C11orf87: variants seen among roughly 807,000 people sequenced by gnomAD.
C11orf87 encodes the protein uncharacterized protein C11orf87.
In C11orf87, 3 loss-of-function variants were observed where a neutral mutation model predicts 9.2. The observed-to-expected ratio is 0.33, with a 90% CI of 0.15 to 0.84. C11orf87 has a LOEUF of 0.84. Ranked by LOEUF, C11orf87 falls within the 40% of genes least tolerant of loss-of-function variation. The pLI is 0.55. For synonymous variants in C11orf87, 124 were observed against 124.6 expected (o/e 1.00, Z 0.03); for missense variants, 256 against 270.7 (o/e 0.95, Z 0.38).
rs1304250316 is a variant in C11orf87, at chr11:109,426,005, A to C, written c.*1778A>C. On this transcript the variant is annotated 3_prime_UTR_variant, in exon 2 of 2. Coordinates refer to ENST00000327419, the MANE Select transcript of C11orf87 (RefSeq NM_207645.4). ...GAAAAAAAGAAAGTGAGAAAATAAG[A>C]TAAATATTTTATTATTTTCTAATGC... 1 of 152,228 alleles carries C rather than the reference A, an allele frequency of 6.6e-6. No homozygotes were observed. 9.4% of individuals were successfully genotyped at this position (152,228 alleles called of 1,614,324 possible).
Position 109,423,521 on chromosome 11 carries a change from C to A in C11orf87, c.-113C>A. On this transcript the variant is annotated 5_prime_UTR_variant, in exon 2 of 2. Coordinates refer to ENST00000327419, the MANE Select transcript of C11orf87 (RefSeq NM_207645.4). This position sits in a 1 kb window ranked among gnomAD's most constrained non-coding sequence, Gnocchi z 5.3. The stretch of plus-strand genomic sequence containing the variant: ...CTTGGCTCGCTCGCACACCCCCTCC[C>A]GCTACAGGGAGCAGTTTTGGGTGGC... The A allele has an allele frequency of 8.9e-7, 1 of 1,119,468 alleles. No individual in the cohort carries two copies. The highest frequency in any genetic ancestry group is 1.6e-5 in the South Asian group (1 of 63,290). 69.3% of individuals were successfully genotyped at this position (1,119,468 alleles called of 1,614,324 possible).
At position 109,423,929 on chromosome 11, in the gene C11orf87, A is replaced by C. The variant is rs866978197; in HGVS notation, c.296A>C (p.Glu99Ala). The change falls in exon 2 of 2, where the codon GAG becomes GCG. Residue 99 changes from glutamate (E) to alanine (A), a missense_variant. Coordinates refer to ENST00000327419, the MANE Select transcript of C11orf87 (RefSeq NM_207645.4). The surrounding 1 kb of genome is among the most constrained non-coding windows in gnomAD (Gnocchi z 5.3). ...MKKRKMQRAQ[E>A]EYERDHCSGS... ...AAGCGGAAGATGCAGAGGGCTCAGG[A>C]GGAATATGAGCGGGATCACTGCAGC... is the stretch of plus-strand genomic sequence containing the variant. The C allele has an allele frequency of 3.7e-6, 6 of 1,613,970 alleles. No individual in the cohort carries two copies. Among genetic ancestry groups the C allele is most frequent in the Middle Eastern group, 1.6e-4 (1 of 6,084 alleles).
At position 109,428,596 on chromosome 11, in the gene C11orf87, A is replaced by T. The variant is rs996064140; in HGVS notation, c.*4369A>T. The T allele has an allele frequency of 1.3e-5, 2 of 152,132 alleles. No individual in the cohort carries two copies. The highest frequency in any genetic ancestry group is 4.8e-5 in the African/African-American group (2 of 41,448). The allele number at this position is 152,132 out of a possible 1,614,324, so 9.4% of individuals were successfully genotyped here. A position where few individuals can be genotyped will look rare whatever the true frequency, so the allele number is the denominator to read the frequency against. ...ATGTGAATCTGAACTTTGAATTTGA[A>T]TCTGAAAGGCCTACTTATTTGGGCC... is the stretch of plus-strand genomic sequence containing the variant. On this transcript the variant is annotated 3_prime_UTR_variant, in exon 2 of 2. Transcript: ENST00000327419.
In C11orf87 at chr11:109,428,798, T is replaced by C. The variant is rs1454395399; in HGVS notation, c.*4571T>C. 1 of 152,226 alleles carries C rather than the reference T, an allele frequency of 6.6e-6. No homozygotes were observed. Among genetic ancestry groups the C allele is most frequent in the Non-Finnish European group, 1.5e-5 (1 of 68,026 alleles). The allele number at this position is 152,226 out of a possible 1,614,324, so 9.4% of individuals were successfully genotyped here. Reference sequence around the variant, plus strand: ...TAATGTGGCTTGACATCAATACTTATTAATGTCTTCAACCTAATAATACAA... The same window carrying C: ...TAATGTGGCTTGACATCAATACTTACTAATGTCTTCAACCTAATAATACAA... On this transcript the variant is annotated 3_prime_UTR_variant, in exon 2 of 2. Transcript: ENST00000327419.
rs539837296 is a variant in C11orf87, at chr11:109,425,944, T to G, written c.*1717T>G. ...GCAAAAGAAAGGCTCTCTTTCTCAG[T>G]CTGTCCTAACTTCACTGAACATACA... On this transcript the variant is annotated 3_prime_UTR_variant, in exon 2 of 2. Coordinates refer to ENST00000327419, the MANE Select transcript of C11orf87 (RefSeq NM_207645.4). 1 of 152,338 alleles carries G rather than the reference T, an allele frequency of 6.6e-6. No individual in the cohort carries two copies. The highest frequency in any genetic ancestry group is 6.5e-5 in the Admixed American group (1 of 15,304). The allele number at this position is 152,338 out of a possible 1,614,324, so 9.4% of individuals were successfully genotyped here.
rs1420902891 is a variant in C11orf87, at chr11:109,426,812, A to C, written c.*2585A>C. On this transcript the variant is annotated 3_prime_UTR_variant, in exon 2 of 2. Transcript: ENST00000327419. ...ATTTGAATAGAATCAGGGTCCCAGAAGGGAGCTTCATCATTTCCAATGAGC... is the reference window on the plus strand; with the variant it reads ...ATTTGAATAGAATCAGGGTCCCAGACGGGAGCTTCATCATTTCCAATGAGC... The C allele has an allele frequency of 6.6e-6, 1 of 152,236 alleles. No homozygotes were observed. Among genetic ancestry groups the C allele is most frequent in the Non-Finnish European group, 1.5e-5 (1 of 68,036 alleles). The allele number at this position is 152,236 out of a possible 1,614,324, so 9.4% of individuals were successfully genotyped here.
At position 109,425,464 on chromosome 11, in the gene C11orf87, T is replaced by C. The variant is rs1433849812; in HGVS notation, c.*1237T>C. Reference sequence around the variant, plus strand: ...TCCTCCAAACTGTATATTATTGTTCTTAATTTCCAGCTGTTGATATAATGG... The same window carrying C: ...TCCTCCAAACTGTATATTATTGTTCCTAATTTCCAGCTGTTGATATAATGG... On this transcript the variant is annotated 3_prime_UTR_variant, in exon 2 of 2. Transcript: ENST00000327419. 6.0e-6 allele frequency: 1 copy of C among 167,102 alleles called. No homozygotes were observed. The highest frequency in any genetic ancestry group is 1.5e-5 in the Non-Finnish European group (1 of 68,118). The allele number at this position is 167,102 out of a possible 1,614,324, so 10.4% of individuals were successfully genotyped here.
In C11orf87 at chr11:109,429,100, G is replaced by T. The variant is rs1591276958; in HGVS notation, c.*4873G>T. 1 of 152,116 alleles carries T rather than the reference G, an allele frequency of 6.6e-6. No homozygotes were observed. Among genetic ancestry groups the T allele is most frequent in the Non-Finnish European group, 1.5e-5 (1 of 67,996 alleles). 9.4% of individuals were successfully genotyped at this position (152,116 alleles called of 1,614,324 possible). A position where few individuals can be genotyped will look rare whatever the true frequency, so the allele number is the denominator to read the frequency against. ...TTGTTTTGCTTTTCTATCAATAAAA[G>T]AGTTTTCTTGTTAATTGGCTTTTTG... On this transcript the variant is annotated 3_prime_UTR_variant, in exon 2 of 2. Coordinates refer to ENST00000327419, the MANE Select transcript of C11orf87 (RefSeq NM_207645.4).
rs957714503 is a variant in C11orf87 at position 109,423,273 on chromosome 11, G to A, written c.-259-102G>A. 18 of 317,838 alleles carry A rather than the reference G, an allele frequency of 5.7e-5. No individual in the cohort carries two copies. The East Asian group carries it at 1.5e-3, about 26-fold the overall frequency. 19.7% of individuals were successfully genotyped at this position (317,838 alleles called of 1,614,324 possible). A position where few individuals can be genotyped will look rare whatever the true frequency, so the allele number is the denominator to read the frequency against. On this transcript the variant is annotated intron_variant, in intron 1 of 1. Transcript: ENST00000327419. The surrounding 1 kb of genome is among the most constrained non-coding windows in gnomAD (Gnocchi z 5.3). ...AAAATACAGGCAGCGCCCAGCTCAG[G>A]CAGTGTGCCCAGAGGGCCGCTTTGC... is the stretch of plus-strand genomic sequence containing the variant.
In C11orf87 at chr11:109,424,039, C is replaced by A; in HGVS notation, c.406C>A (p.Arg136=). Residue 136 remains arginine (R), a synonymous_variant, in exon 2 of 2, where the codon CGG becomes AGG. Transcript: ENST00000327419. This position sits in a 1 kb window ranked among gnomAD's most constrained non-coding sequence, Gnocchi z 4.7. The part of the protein sequence containing the change: ...AKETRLERQP[R]DSPFCAPSNA... ...GGAAACCCGGCTGGAGAGGCAGCCC[C>A]GGGACTCTCCCTTCTGCGCCCCTTC... The A allele has an allele frequency of 6.2e-7, 1 of 1,613,950 alleles. No homozygotes were observed. Among genetic ancestry groups the A allele is most frequent in the Non-Finnish European group, 8.5e-7 (1 of 1,180,008 alleles).
In C11orf87 at chr11:109,423,816, G is replaced by T. The variant is rs376719669; in HGVS notation, c.183G>T (p.Thr61=). 3.1e-6 allele frequency: 5 copies of T among 1,613,986 alleles called. No homozygotes were observed. In the African/African-American group the frequency reaches 6.7e-5, roughly 22 times the overall value. The change falls in exon 2 of 2, where the codon ACG becomes ACT. Residue 61 remains threonine, a synonymous_variant. Transcript: ENST00000327419. The surrounding 1 kb of genome is among the most constrained non-coding windows in gnomAD (Gnocchi z 5.3). ...GQQLFQSFSS[T]LVLIVLVTLI... ...AGCTCTTCCAGTCCTTCTCCTCCACGCTGGTGCTGATTGTCCTGGTTACCC... is the reference window on the plus strand; with the variant it reads ...AGCTCTTCCAGTCCTTCTCCTCCACTCTGGTGCTGATTGTCCTGGTTACCC...
Position 109,425,477 on chromosome 11 carries a change from G to T in C11orf87, c.*1250G>T, listed in dbSNP as rs1860560247. The T allele has an allele frequency of 6.0e-6, 1 of 167,034 alleles. No homozygotes were observed. Among genetic ancestry groups the T allele is most frequent in the South Asian group, 2.1e-4 (1 of 4,824 alleles). The allele number at this position is 167,034 out of a possible 1,614,324, so 10.3% of individuals were successfully genotyped here. A position where few individuals can be genotyped will look rare whatever the true frequency, so the allele number is the denominator to read the frequency against. On this transcript the variant is annotated 3_prime_UTR_variant, in exon 2 of 2. Coordinates refer to ENST00000327419, the MANE Select transcript of C11orf87 (RefSeq NM_207645.4). Reference sequence around the variant, plus strand: ...ATATTATTGTTCTTAATTTCCAGCTGTTGATATAATGGTTACCACTGGATG... The same window carrying T: ...ATATTATTGTTCTTAATTTCCAGCTTTTGATATAATGGTTACCACTGGATG...
intron 1 of C11orf87, among the ~76,000 whole-genome samples, chr11:109,422,880 G>A (rs1374698853): frequency 6.6e-6 from 1 of 151,830 alleles, no homozygotes; most frequent in Non-Finnish European, 1.5e-5. Context: ...GGGACCCAAG[G>A]GATCTGACGC....
chr11:109,429,155 A>C lies in C11orf87; in HGVS notation c.*4928A>C, dbSNP rs1860609963. The C allele has an allele frequency of 6.6e-6, 1 of 152,198 alleles. No individual in the cohort carries two copies. Among genetic ancestry groups the C allele is most frequent in the Non-Finnish European group, 1.5e-5 (1 of 68,022 alleles). The allele number at this position is 152,198 out of a possible 1,614,324, so 9.4% of individuals were successfully genotyped here. A position where few individuals can be genotyped will look rare whatever the true frequency, so the allele number is the denominator to read the frequency against. ...CTATTTCCTTGCCAATTTAATGTAC[A>C]ATATACCAGGATAACATAATTGCTT... On this transcript the variant is annotated 3_prime_UTR_variant, in exon 2 of 2. Coordinates refer to ENST00000327419, the MANE Select transcript of C11orf87 (RefSeq NM_207645.4).
At position 109,426,404 on chromosome 11, in the gene C11orf87, C is replaced by G. The variant is rs551795932; in HGVS notation, c.*2177C>G. On this transcript the variant is annotated 3_prime_UTR_variant, in exon 2 of 2. Transcript: ENST00000327419. ...TTGGTCATCTATTAAATTGCCCAAG[C>G]TCAGTTTGCATCTTTTATAAAAATA... is the stretch of plus-strand genomic sequence containing the variant. The G allele has an allele frequency of 6.6e-6, 1 of 152,314 alleles. No homozygotes were observed. Among genetic ancestry groups the G allele is most frequent in the East Asian group, 1.9e-4 (1 of 5,182 alleles). 9.4% of individuals were successfully genotyped at this position (152,314 alleles called of 1,614,324 possible). A position where few individuals can be genotyped will look rare whatever the true frequency, so the allele number is the denominator to read the frequency against.
At position 109,423,777 on chromosome 11, in the gene C11orf87, G is replaced by A. The variant is rs558968039; in HGVS notation, c.144G>A (p.Thr48=). 1.8e-5 allele frequency: 29 copies of A among 1,614,090 alleles called. No individual in the cohort carries two copies. In the East Asian group the frequency reaches 6.0e-4, roughly 33 times the overall value. Residue 48 remains threonine, a synonymous_variant, in exon 2 of 2, where the codon ACG becomes ACA. Transcript: ENST00000327419. The surrounding 1 kb of genome is among the most constrained non-coding windows in gnomAD (Gnocchi z 5.3). ...CAGTAGGCAGCGGCACCTGCATCAC[G>A]CAGGTGGGACAGCAGCTCTTCCAGT... The part of the protein sequence containing the change: ...PGAVGSGTCI[T]QVGQQLFQSF...
Position 109,427,439 on chromosome 11 carries a change from C to A in C11orf87, c.*3212C>A, listed in dbSNP as rs1860588457. 6.6e-6 allele frequency: 1 copy of A among 152,102 alleles called. No homozygotes were observed. Among genetic ancestry groups the A allele is most frequent in the African/African-American group, 2.4e-5 (1 of 41,424 alleles). 9.4% of individuals were successfully genotyped at this position (152,102 alleles called of 1,614,324 possible). On this transcript the variant is annotated 3_prime_UTR_variant, in exon 2 of 2. Transcript: ENST00000327419. ...CAAAATTATTTCAATAAGCACATAT[C>A]CAAGCAATTTGTACAGACCTTGTTT...
intron 1 of C11orf87, among the ~76,000 whole-genome samples, chr11:109,422,848 C>A (rs1242165670): frequency 6.9e-6 from 1 of 145,632 alleles, no homozygotes; most frequent in African/African-American, 2.6e-5. Context: ...GGATGTGGTG[C>A]CAGGGGTATC....
chr11:109,424,039 C>G lies in C11orf87; in HGVS notation c.406C>G (p.Arg136Gly). 1 of 1,613,950 alleles carries G rather than the reference C, an allele frequency of 6.2e-7. No homozygotes were observed. Among genetic ancestry groups the G allele is most frequent in the South Asian group, 1.1e-5 (1 of 91,080 alleles). ...AKETRLERQP[R>G]DSPFCAPSNA... ...GGAAACCCGGCTGGAGAGGCAGCCC[C>G]GGGACTCTCCCTTCTGCGCCCCTTC... The change falls in exon 2 of 2, where the codon CGG becomes GGG. Residue 136 changes from arginine to glycine, a missense_variant. Coordinates refer to ENST00000327419, the MANE Select transcript of C11orf87 (RefSeq NM_207645.4). The surrounding 1 kb of genome is among the most constrained non-coding windows in gnomAD (Gnocchi z 4.7).
Sources: allele counts gnomAD v4.1 joint callset (sites outside exome capture counted in the v4.1 genomes callset), GRCh38; gene constraint gnomAD v4.1.1; non-coding constraint Gnocchi (gnomAD v3.1); transcripts MANE v1.5; gene names NCBI Gene and HGNC (gene_info 2026-07-23, HGNC 2026-07-21).